Variants in GABBR2 observed in about 807,000 individuals in gnomAD.
The protein encoded by GABBR2 is gamma-aminobutyric acid type B receptor subunit 2, also known as G-protein coupled receptor 51.
A neutral mutation model predicts 105.6 loss-of-function variants in GABBR2; 23 were observed. The ratio of observed to expected loss-of-function variants is 0.22; its 90% CI spans 0.16 to 0.31. GABBR2 has a LOEUF of 0.31. GABBR2 is among the 10% of genes least tolerant of loss of function. The pLI is 1.00. For missense variants in GABBR2, 734 were observed against 1,245.5 expected (o/e 0.59, Z 6.18); for synonymous variants, 478 against 499.7 (o/e 0.96, Z 0.58).
chr9:98,317,504 A>G (rs1564014231), intron 13 of GABBR2, among the ~76,000 whole-genome samples: 1 of 152,186 alleles, frequency 6.6e-6, no homozygotes. Context: ...CCTGCTACAG[A>G]CTTGCTGGGT....
At chr9:98,472,553 C>T (rs1459499408) in intron 6 of GABBR2, among the ~76,000 whole-genome samples, 2 of 152,144 alleles carry the variant, frequency 1.3e-5, no homozygotes, top group African/African-American at 2.4e-5. Flanking sequence ...GATATAGAAG[C>T]AGAGATATAG....
intron 1 of GABBR2, among the ~76,000 whole-genome samples, chr9:98,672,750 T>C (rs1432841240): frequency 1.3e-5 from 2 of 152,218 alleles, no homozygotes; most frequent in East Asian, 1.9e-4. Flanking sequence ...TGATGGGAAC[T>C]AGACAGTTTA....
chr9:98,618,290 C>A (rs1461821252), intron 1 of GABBR2, among the ~76,000 whole-genome samples: 4 of 152,108 alleles, frequency 2.6e-5, no homozygotes, highest in Admixed American at 6.5e-5. Context: ...TAGACTTGTG[C>A]CCTTTTTGTA....
chr9:98,670,973 C>A (rs1277044489), intron 1 of GABBR2, among the ~76,000 whole-genome samples: 1 of 152,002 alleles, frequency 6.6e-6, no homozygotes, highest in Non-Finnish European at 1.5e-5. Context: ...CTTAAAATGG[C>A]TAAGAAGGTA....
intron 6 of GABBR2, among the ~76,000 whole-genome samples, chr9:98,457,285 C>T (rs1564076661): frequency 6.6e-6 from 1 of 152,200 alleles, no homozygotes; most frequent in Non-Finnish European, 1.5e-5. Flanking sequence ...TACAACACCT[C>T]CCTGACCAGA....
chr9:98,369,408 G>A (rs533475916), intron 12 of GABBR2, among the ~76,000 whole-genome samples: 1 of 152,330 alleles, frequency 6.6e-6, no homozygotes, highest in African/African-American at 2.4e-5. Context: ...GAAGAGGTGG[G>A]TGGGGGGCCT....
intron 5 of GABBR2, among the ~76,000 whole-genome samples, chr9:98,478,227 A>G (rs993782488): frequency 1.3e-5 from 2 of 152,230 alleles, no homozygotes; most frequent in African/African-American, 4.8e-5. Context: ...TGGCAGAGAC[A>G]TGGTTGTTTC....
intron 8 of GABBR2, among the ~76,000 whole-genome samples, chr9:98,404,569 C>T (rs115484673): frequency 0.014 from 2,129 of 152,190 alleles, 47 homozygotes; most frequent in African/African-American, 0.048. Flanking sequence ...CAGAAACACT[C>T]GGCTGCTCAA....
intron 13 of GABBR2, among the ~76,000 whole-genome samples, chr9:98,356,946 C>T (rs985662509): frequency 1.3e-5 from 2 of 152,140 alleles, no homozygotes; most frequent in African/African-American, 4.8e-5. Flanking sequence ...ATGAAAGAAG[C>T]CAGTCTAAAA....
chr9:98,446,519 A>G (rs117767709), intron 7 of GABBR2, among the ~76,000 whole-genome samples: 442 of 152,318 alleles, frequency 2.9e-3, no homozygotes, highest in Middle Eastern at 0.01. Flanking sequence ...GGGCAATGGT[A>G]CATTTCATCT....
intron 10 of GABBR2, among the ~76,000 whole-genome samples, chr9:98,386,628 C>A (rs936094407): frequency 1.3e-5 from 2 of 152,200 alleles, no homozygotes; most frequent in Non-Finnish European, 2.9e-5. Context: ...CATCAGTGGG[C>A]TTGTAGGTGC....
chr9:98,481,947 G>C (rs1826931660), intron 4 of GABBR2, among the ~76,000 whole-genome samples: 1 of 152,196 alleles, frequency 6.6e-6, no homozygotes, highest in Admixed American at 6.5e-5. Context: ...TGGGGTCTTT[G>C]TTGCTTTCTG....
Position 98,534,260 on chromosome 9 carries a change from G to A in GABBR2, c.630+7613C>T, listed in dbSNP as rs144814359. Among the ~76,000 whole-genome samples the A allele has an allele frequency of 3.6e-4, 55 of 152,302 alleles. No homozygotes were observed. The East Asian group carries it at 9.9e-3, about 27-fold the overall frequency. On this transcript the variant is annotated intron_variant, in intron 3 of 18. Coordinates refer to ENST00000259455, the MANE Select transcript of GABBR2 (RefSeq NM_005458.8). ...TGGGGCCTGCCACTTGAGAGAGGTC[G>A]CCAGTACAGAAAGGTCAGCTTCAGA... is the stretch of plus-strand genomic sequence containing the variant.
chr9:98,472,915 T>C lies in GABBR2; in HGVS notation c.999+231A>G, dbSNP rs188959121. On this transcript the variant is annotated intron_variant, in intron 6 of 18. Coordinates refer to ENST00000259455, the MANE Select transcript of GABBR2 (RefSeq NM_005458.8). ...ATATGTATACATAACATGTGTACTGTGTTATGTGCTTCACAATATCCTTAC... is the reference window on the plus strand; with the variant it reads ...ATATGTATACATAACATGTGTACTGCGTTATGTGCTTCACAATATCCTTAC... Among the ~76,000 whole-genome samples, 295 of 152,242 alleles carry C rather than the reference T, an allele frequency of 1.9e-3. 2 individuals carry two copies. Among genetic ancestry groups the C allele is most frequent in the African/African-American group, 6.5e-3 (270 of 41,552 alleles).
At chr9:98,366,826 T>C (rs527610878) in intron 12 of GABBR2, among the ~76,000 whole-genome samples, 11 of 152,308 alleles carry the variant, frequency 7.2e-5, no homozygotes, top group African/African-American at 2.6e-4. Context: ...ACTCATGTTA[T>C]TGTCTACAAC....
chr9:98,661,038 T>C (rs1165200660), intron 1 of GABBR2, among the ~76,000 whole-genome samples: 1 of 152,160 alleles, frequency 6.6e-6, no homozygotes, highest in Non-Finnish European at 1.5e-5. Context: ...CCGGAGTAGC[T>C]GGGACTACAG....
At chr9:98,322,272 G>C (rs1304479276) in intron 13 of GABBR2, among the ~76,000 whole-genome samples, 1 of 152,030 alleles carries the variant, frequency 6.6e-6, no homozygotes, top group East Asian at 1.9e-4. Context: ...GCAGCCCACT[G>C]TCTGCCCAGG....
intron 13 of GABBR2, among the ~76,000 whole-genome samples, chr9:98,337,849 T>A (rs1049601666): frequency 3.9e-5 from 6 of 151,956 alleles, no homozygotes; most frequent in Non-Finnish European, 7.4e-5. Flanking sequence ...CCTATTTTTT[T>A]AGTCTCTACT....
chr9:98,308,034 G>C (rs947430989), intron 14 of GABBR2, among the ~76,000 whole-genome samples: 14 of 152,202 alleles, frequency 9.2e-5, no homozygotes, highest in Non-Finnish European at 1.5e-4. Context: ...ACGAGTTTGA[G>C]ACCAGCCTGG....
Sources: gnomAD v4.1 joint callset for allele counts (sites outside exome capture counted in the v4.1 genomes callset) on GRCh38, gnomAD v4.1.1 for gene constraint, MANE v1.5 for transcripts, NCBI Gene and HGNC (gene_info 2026-07-23, HGNC 2026-07-21) for gene names.